RBFOX1: variants seen among roughly 807,000 people sequenced by gnomAD.
RBFOX1 encodes RNA binding protein fox-1 homolog 1.
RBFOX1 carries 8 observed loss-of-function variants against 57.7 expected under a neutral mutation model. That is an observed-to-expected ratio of 0.14 (90% confidence interval 0.08 to 0.25). The LOEUF is 0.25. Among genes scored for constraint, RBFOX1 ranks in the 10% least tolerant of loss-of-function variants. The pLI is 1.00. For synonymous variants in RBFOX1, 326 were observed against 222.4 expected, an observed-to-expected ratio of 1.47 and a Z score of -4.15; for missense variants, 611 against 548.5, an observed-to-expected ratio of 1.11 and a Z score of -1.14.
At chr16:5,703,697 G>C (rs1283564022) in intron 3 of RBFOX1, among the ~76,000 whole-genome samples, 1 of 152,112 alleles carries the variant, frequency 6.6e-6, no homozygotes, top group Non-Finnish European at 1.5e-5. Flanking sequence ...CGTTAAATGG[G>C]GATAATGTCT....
chr16:5,901,733 A>C (rs1007619270), intron 4 of RBFOX1, among the ~76,000 whole-genome samples: 1 of 152,214 alleles, frequency 6.6e-6, no homozygotes, highest in African/African-American at 2.4e-5. Flanking sequence ...TTTCATCACT[A>C]CAGAATTTTT....
At chr16:7,200,823 C>T (rs2088190827) in intron 4 of RBFOX1, among the ~76,000 whole-genome samples, 1 of 152,106 alleles carries the variant, frequency 6.6e-6, no homozygotes, top group Non-Finnish European at 1.5e-5. Flanking sequence ...CACCATAGGC[C>T]CTTTCATGCT....
intron 2 of RBFOX1, among the ~76,000 whole-genome samples, chr16:6,566,067 G>T (rs946010043): frequency 3.3e-5 from 5 of 152,156 alleles, no homozygotes; most frequent in African/African-American, 4.8e-5. Context: ...AGAGTTAATT[G>T]CACACTGTTC....
chr16:7,020,214 C>A (rs1324391481), intron 3 of RBFOX1, among the ~76,000 whole-genome samples: 1 of 151,612 alleles, frequency 6.6e-6, no homozygotes, highest in South Asian at 2.1e-4. Context: ...TTCTTTGTTT[C>A]TTTGTTTCTT....
intron 4 of RBFOX1, among the ~76,000 whole-genome samples, chr16:7,167,367 G>C (rs552805115): frequency 2.6e-5 from 4 of 152,138 alleles, no homozygotes; most frequent in Non-Finnish European, 5.9e-5. Flanking sequence ...CCTAAGTCCA[G>C]TGGCTGGTGT....
At position 5,946,421 on chromosome 16, in the gene RBFOX1, C is replaced by T. The variant is rs2059401266; in HGVS notation, c.351+79086C>T. Among the ~76,000 whole-genome samples, 1 of 152,244 alleles carries T rather than the reference C, an allele frequency of 6.6e-6. No homozygotes were observed. Among genetic ancestry groups the T allele is most frequent in the Admixed American group, 6.5e-5 (1 of 15,280 alleles). On this transcript the variant is annotated intron_variant, in intron 4 of 19. Transcript: ENST00000641259. The surrounding 1 kb of genome is among the most constrained non-coding windows in gnomAD (Gnocchi z 4.6). Reference sequence around the variant, plus strand: ...CACCAACCAAGTGCCGGATGCACTACTCTATCTTGCGACAGAGCCATGAAC... The same window carrying T: ...CACCAACCAAGTGCCGGATGCACTATTCTATCTTGCGACAGAGCCATGAAC...
At chr16:6,431,905 C>A (rs1225453645) in intron 2 of RBFOX1, among the ~76,000 whole-genome samples, 1 of 87,060 alleles carries the variant, frequency 1.1e-5, no homozygotes, top group African/African-American at 4.1e-5. Context: ...TGCTTTCTTT[C>A]TTTCTTTCTT....
chr16:6,769,137 A>C (rs1255093167), intron 3 of RBFOX1, among the ~76,000 whole-genome samples: 2 of 152,142 alleles, frequency 1.3e-5, no homozygotes, highest in African/African-American at 2.4e-5. Context: ...GAGTTAATTG[A>C]ATAATGGAGG....
intron 4 of RBFOX1, among the ~76,000 whole-genome samples, chr16:7,317,532 G>C (rs749115148): frequency 7.1e-4 from 108 of 152,188 alleles, no homozygotes; most frequent in Admixed American, 4.0e-3. Context: ...TCATGTATGA[G>C]TTGGTAGCAG....
rs140107801 is a variant in RBFOX1, at chr16:7,301,911, AAAAT to A, written c.28-216224_28-216221del. Reference sequence around the variant, plus strand: ...CTTTCTCTTTAGTTTTGTGAATGCAAAAATAAATAAATAAAGGCAGGTAGGAAGT... The same window carrying A: ...CTTTCTCTTTAGTTTTGTGAATGCAAAAATAAATAAAGGCAGGTAGGAAGT... On this transcript the variant is annotated intron_variant, in intron 4 of 15. Coordinates refer to ENST00000550418, the MANE Select transcript of RBFOX1 (RefSeq NM_018723.4). Among the ~76,000 whole-genome samples, 6 of 152,314 alleles carry A rather than the reference AAAAT, an allele frequency of 3.9e-5. No homozygotes were observed. The East Asian group carries it at 5.8e-4, about 15-fold the overall frequency.
chr16:5,760,973 G>A (rs575829394), intron 3 of RBFOX1, among the ~76,000 whole-genome samples: 1 of 152,160 alleles, frequency 6.6e-6, no homozygotes, highest in Admixed American at 6.5e-5. Flanking sequence ...TTTAAAATGG[G>A]TAATTGTATG....
At chr16:7,457,577 G>T (rs946500796) in intron 4 of RBFOX1, among the ~76,000 whole-genome samples, 5 of 152,146 alleles carry the variant, frequency 3.3e-5, no homozygotes, top group Non-Finnish European at 5.9e-5. Flanking sequence ...TTGATGCTCT[G>T]TTCCTTCTTC....
intron 1 of RBFOX1, among the ~76,000 whole-genome samples, chr16:5,355,920 G>A (rs766139909): frequency 4.6e-5 from 7 of 152,046 alleles, no homozygotes; most frequent in Admixed American, 2.0e-4. Flanking sequence ...GCTAAACCCC[G>A]TATCTACAAA....
intron 14 of RBFOX1, among the ~76,000 whole-genome samples, chr16:7,698,231 G>A (rs2079450614): frequency 6.6e-6 from 1 of 151,540 alleles, no homozygotes; most frequent in Non-Finnish European, 1.5e-5. Flanking sequence ...GGGGGTAGGT[G>A]GAGGCTGGGA....
chr16:5,395,350 T>A (rs1029436653), intron 1 of RBFOX1, among the ~76,000 whole-genome samples: 1 of 152,176 alleles, frequency 6.6e-6, no homozygotes, highest in Non-Finnish European at 1.5e-5. Flanking sequence ...GGAAGATTTG[T>A]TTTTGCCTCT....
intron 3 of RBFOX1, among the ~76,000 whole-genome samples, chr16:6,909,638 A>G (rs1275209189): frequency 6.6e-6 from 1 of 152,246 alleles, no homozygotes; most frequent in East Asian, 1.9e-4. Context: ...ACAAAATCAG[A>G]CAAAGAAATT....
chr16:7,199,907 C>G (rs1425515474), intron 4 of RBFOX1, among the ~76,000 whole-genome samples: 1 of 145,582 alleles, frequency 6.9e-6, no homozygotes, highest in Non-Finnish European at 1.5e-5. Context: ...AAAAACAAAA[C>G]AAAACAACAA....
At chr16:5,888,513 A>T (rs911728531) in intron 4 of RBFOX1, among the ~76,000 whole-genome samples, 3 of 152,168 alleles carry the variant, frequency 2.0e-5, no homozygotes, top group African/African-American at 7.2e-5. Context: ...ATAGTTGTTG[A>T]GGCCGGGCGC....
chr16:5,707,341 A>C (rs2051289164), intron 3 of RBFOX1, among the ~76,000 whole-genome samples: 2 of 152,178 alleles, frequency 1.3e-5, no homozygotes, highest in Admixed American at 6.5e-5. Context: ...TTGATTTTGT[A>C]AGTCAGTTCT....
Sources: allele counts gnomAD v4.1 joint callset (sites outside exome capture counted in the v4.1 genomes callset), GRCh38; gene constraint gnomAD v4.1.1; non-coding constraint Gnocchi (gnomAD v3.1); transcripts MANE v1.5; gene names NCBI Gene and HGNC (gene_info 2026-07-23, HGNC 2026-07-21).